The following OPCML variants were observed in gnomAD, a reference collection of about 807,000 sequenced individuals.
The protein encoded by OPCML is opioid binding protein/cell adhesion molecule like.
OPCML carries 13 observed loss-of-function variants against 37.8 expected under a neutral mutation model. That is an observed-to-expected ratio of 0.34 (90% CI 0.22 to 0.55). The LOEUF (loss-of-function observed/expected upper bound fraction) is 0.55, where lower values mean the gene tolerates loss of function less well. Ranked by LOEUF, OPCML falls within the 20% of genes least tolerant of loss-of-function variation. OPCML has a pLI of 0.91. For missense variants in OPCML, 341 were observed against 435.6 expected (o/e 0.78, Z 1.93); for synonymous variants, 176 against 168.8 (o/e 1.04, Z -0.33).
intron 1 of OPCML, among the ~76,000 whole-genome samples, chr11:133,071,005 C>T (rs554118728): frequency 6.6e-6 from 1 of 152,228 alleles, no homozygotes; most frequent in Non-Finnish European, 1.5e-5. Context: ...GGATGTTCAC[C>T]TACAGAGGGA....
chr11:133,317,847 G>A (rs1303308497), intron 1 of OPCML, among the ~76,000 whole-genome samples: 1 of 152,192 alleles, frequency 6.6e-6, no homozygotes, highest in Non-Finnish European at 1.5e-5. Context: ...TAGCGTGTTA[G>A]CCTCAAATTG....
At chr11:132,638,452 C>T (rs1339098235) in intron 3 of OPCML, among the ~76,000 whole-genome samples, 3 of 151,920 alleles carry the variant, frequency 2.0e-5, no homozygotes, top group Non-Finnish European at 4.4e-5. Context: ...AAAACTAAAC[C>T]ACACTTGTAA....
intron 2 of OPCML, among the ~76,000 whole-genome samples, chr11:132,726,874 G>A (rs77373366): frequency 0.02 from 2,974 of 152,174 alleles, 97 homozygotes; most frequent in African/African-American, 0.068. Flanking sequence ...CCATCCCTCC[G>A]CACTTCCTAC....
chr11:132,569,483 G>A (rs557071822), intron 3 of OPCML, among the ~76,000 whole-genome samples: 92 of 152,116 alleles, frequency 6.0e-4, no homozygotes, highest in Non-Finnish European at 1.2e-3. Flanking sequence ...ATAACAGAGA[G>A]GCATCCTTGA....
At chr11:132,542,511 A>C (rs2096359255) in intron 3 of OPCML, among the ~76,000 whole-genome samples, 1 of 152,124 alleles carries the variant, frequency 6.6e-6, no homozygotes, top group African/African-American at 2.4e-5. Context: ...AAGCCACATC[A>C]GCAGGACAGA....
chr11:132,633,745 G>A (rs1419033620), intron 3 of OPCML, among the ~76,000 whole-genome samples: 4 of 152,184 alleles, frequency 2.6e-5, no homozygotes, highest in African/African-American at 4.8e-5. Context: ...GGGACAGCAG[G>A]AGGGAAAGTA....
intron 2 of OPCML, among the ~76,000 whole-genome samples, chr11:132,822,381 T>C (rs1053393603): frequency 2.6e-5 from 4 of 152,132 alleles, no homozygotes; most frequent in African/African-American, 9.7e-5. Flanking sequence ...TAGAAATAGA[T>C]GCAAAACTCT....
intron 1 of OPCML, among the ~76,000 whole-genome samples, chr11:132,984,154 T>C (rs1162951676): frequency 7.9e-5 from 12 of 152,208 alleles, no homozygotes; most frequent in African/African-American, 1.2e-4. Context: ...GACTATTTCA[T>C]TGACCCGGAT....
intron 1 of OPCML, among the ~76,000 whole-genome samples, chr11:133,132,893 A>T (rs1306418078): frequency 6.6e-6 from 1 of 152,044 alleles, no homozygotes; most frequent in South Asian, 2.1e-4. Context: ...AAAGTCCACA[A>T]AGATACTCAG....
chr11:133,011,539 T>A (rs950179043), intron 1 of OPCML, among the ~76,000 whole-genome samples: 2 of 152,144 alleles, frequency 1.3e-5, no homozygotes, highest in African/African-American at 4.8e-5. Flanking sequence ...CTATGCTCAA[T>A]TTAAGGAAAA....
intron 1 of OPCML, among the ~76,000 whole-genome samples, chr11:133,480,390 C>G (rs931669265): frequency 6.6e-6 from 1 of 152,236 alleles, no homozygotes; most frequent in Non-Finnish European, 1.5e-5. Flanking sequence ...CTCTGCACCT[C>G]GGCATCCCAC....
chr11:132,876,380 C>G (rs1203532771), intron 2 of OPCML, among the ~76,000 whole-genome samples: 5 of 152,154 alleles, frequency 3.3e-5, no homozygotes, highest in Non-Finnish European at 5.9e-5. Context: ...CCATCCAGTT[C>G]TGTCTCCTTA....
At chr11:132,539,544 T>C (rs1354333251) in intron 3 of OPCML, among the ~76,000 whole-genome samples, 2 of 152,142 alleles carry the variant, frequency 1.3e-5, no homozygotes, top group African/African-American at 4.8e-5. Context: ...ATGATGATGA[T>C]GATGAAGATC....
At chr11:133,259,046 G>A (rs951924874) in intron 1 of OPCML, among the ~76,000 whole-genome samples, 4 of 152,170 alleles carry the variant, frequency 2.6e-5, no homozygotes, top group African/African-American at 9.7e-5. Context: ...CTCTGAGACA[G>A]CCTCACCTCA....
chr11:132,555,559 C>A (rs1409584259), intron 3 of OPCML, among the ~76,000 whole-genome samples: 2 of 152,054 alleles, frequency 1.3e-5, no homozygotes, highest in Non-Finnish European at 2.9e-5. Flanking sequence ...GGGTCATAGC[C>A]AAACCATATC....
chr11:132,890,682 T>TAA (rs368939079), intron 2 of OPCML, among the ~76,000 whole-genome samples: 72 of 134,248 alleles, frequency 5.4e-4, no homozygotes, highest in Non-Finnish European at 6.7e-4. Context: ...CTGTCTCTAC[T>TAA]AAAAAAAAAA....
At position 132,834,129 on chromosome 11, in the gene OPCML, T is replaced by C. The variant is rs369145162; in HGVS notation, c.146+108797A>G. On this transcript the variant is annotated intron_variant, in intron 2 of 7. Coordinates refer to ENST00000524381, the MANE Select transcript of OPCML (RefSeq NM_001012393.5). ...TCTGAGAAGTTGGCTGATGTTTGATTATAATCCATTTAAAAAGCAATGGGC... is the reference window on the plus strand; with the variant it reads ...TCTGAGAAGTTGGCTGATGTTTGATCATAATCCATTTAAAAAGCAATGGGC... Among the ~76,000 whole-genome samples, 21 of 152,330 alleles carry C rather than the reference T, an allele frequency of 1.4e-4. No homozygotes were observed. In the East Asian group the frequency reaches 1.9e-3, roughly 14 times the overall value.
intron 1 of OPCML, among the ~76,000 whole-genome samples, chr11:133,193,588 C>G (rs993550490): frequency 6.6e-6 from 1 of 152,142 alleles, no homozygotes; most frequent in Non-Finnish European, 1.5e-5. Flanking sequence ...CAAATACTTT[C>G]TTTCATGATA....
intron 1 of OPCML, among the ~76,000 whole-genome samples, chr11:133,100,999 A>AC (rs1949077479): frequency 6.6e-6 from 1 of 152,112 alleles, no homozygotes; most frequent in African/African-American, 2.4e-5. Flanking sequence ...ATCTCGGCTC[A>AC]CTGCAACCTC....
Sources: gnomAD v4.1 joint callset for allele counts (sites outside exome capture counted in the v4.1 genomes callset) on GRCh38, gnomAD v4.1.1 for gene constraint, MANE v1.5 for transcripts, NCBI Gene and HGNC (gene_info 2026-07-23, HGNC 2026-07-21) for gene names.